The following KLHL5 variants were observed in gnomAD, a reference collection of about 807,000 sequenced individuals.
KLHL5 encodes kelch-like protein 5.
Under a neutral mutation model 77.7 loss-of-function variants are expected in KLHL5, and 48 were observed. That is an observed-to-expected ratio of 0.62 (90% CI 0.49 to 0.79). The LOEUF (loss-of-function observed/expected upper bound fraction) is 0.79, where lower values mean the gene tolerates loss of function less well. Ranked by LOEUF, KLHL5 falls within the 30% of genes least tolerant of loss-of-function variation. KLHL5 has a pLI of 0.00. For synonymous variants in KLHL5, 260 were observed against 297.0 expected, an observed-to-expected ratio of 0.88 and a Z score of 1.28; for missense variants, 723 against 859.7, an observed-to-expected ratio of 0.84 and a Z score of 1.99.
intron 10 of KLHL5, chr4:39,115,644 T>G: frequency 7.5e-7 from 1 of 1,341,708 alleles, no homozygotes; most frequent in Non-Finnish European, 9.5e-7. Flanking sequence ...GAGGGGAGAC[T>G]GGAAAATAAA....
intron 7 of KLHL5, 53 bp downstream of exon 7, chr4:39,103,564 A>G (rs563802252): frequency 6.9e-7 from 1 of 1,439,272 alleles, no homozygotes; most frequent in East Asian, 2.3e-5. Flanking sequence ...CCCACGGCAC[A>G]TTTACATTCT....
rs539602769 is a variant in KLHL5, at chr4:39,122,705, C to G, written c.*1639C>G. Among the ~76,000 whole-genome samples, 1 of 151,826 alleles carries G rather than the reference C, an allele frequency of 6.6e-6. No homozygotes were observed. The highest frequency in any genetic ancestry group is 1.5e-5 in the Non-Finnish European group (1 of 67,964). On this transcript the variant is annotated 3_prime_UTR_variant, in exon 11 of 11. Coordinates refer to ENST00000504108, the MANE Select transcript of KLHL5 (RefSeq NM_015990.5). ...GCGGGTGCCTGTACGCCCAGCTACT[C>G]GGGAGGCTGAGGCGGGAGAATGGCG...
Position 39,122,468 on chromosome 4 carries a change from C to T in KLHL5, c.*1402C>T, listed in dbSNP as rs1723261370. On this transcript the variant is annotated 3_prime_UTR_variant, in exon 11 of 11. Transcript: ENST00000504108. ...AGGGATTCATACAAAGACCTTCTCA[C>T]TCAGCAGTCTTCACTCTTACTATTC... Among the ~76,000 whole-genome samples, 1 of 152,072 alleles carries T rather than the reference C, an allele frequency of 6.6e-6. No homozygotes were observed. Among genetic ancestry groups the T allele is most frequent in the Non-Finnish European group, 1.5e-5 (1 of 68,026 alleles).
intron 7 of KLHL5, among the ~76,000 whole-genome samples, chr4:39,105,201 C>A (rs1037227085): frequency 2.7e-5 from 4 of 148,862 alleles, no homozygotes; most frequent in African/African-American, 9.9e-5. Flanking sequence ...GGCTGGAATG[C>A]AGTGGTATGT....
chr4:39,118,926 G>A (rs904264320), intron 10 of KLHL5, among the ~76,000 whole-genome samples: 1 of 152,152 alleles, frequency 6.6e-6, no homozygotes, highest in Non-Finnish European at 1.5e-5. Flanking sequence ...TCTTAAGTGA[G>A]ATCACTTGAT....
rs766501829 is a variant in KLHL5, at chr4:39,081,268, C to T, written c.703+29C>T. The T allele has an allele frequency of 6.4e-7, 1 of 1,554,138 alleles. No homozygotes were observed. Among genetic ancestry groups the T allele is most frequent in the Non-Finnish European group, 8.7e-7 (1 of 1,149,440 alleles). ...ACGAGTCTGAAAATGTAAATTAAAA[C>T]CTCTTAGATTTATGTTGTATTATTA... On this transcript the variant is annotated intron_variant, in intron 3 of 10. Coordinates refer to ENST00000504108, the MANE Select transcript of KLHL5 (RefSeq NM_015990.5). This position sits in a 1 kb window ranked among gnomAD's most constrained non-coding sequence, Gnocchi z 4.3.
chr4:39,121,329 A>G lies in KLHL5; in HGVS notation c.*263A>G, dbSNP rs1723196315. The G allele has an allele frequency of 4.1e-6, 2 of 490,568 alleles. No homozygotes were observed. The highest frequency in any genetic ancestry group is 4.7e-5 in the South Asian group (2 of 42,986). 30.4% of individuals were successfully genotyped at this position (490,568 alleles called of 1,614,324 possible). On this transcript the variant is annotated 3_prime_UTR_variant, in exon 11 of 11. Transcript: ENST00000504108. ...CGAAGTAATAAGTGAGGACGAATGCACTGCTCTGGAACATAACCCAGTGCT... is the reference window on the plus strand; with the variant it reads ...CGAAGTAATAAGTGAGGACGAATGCGCTGCTCTGGAACATAACCCAGTGCT...
rs71643268 is a variant in KLHL5, at chr4:39,124,802, C to CAAAAAAAAAAAAAAA, written c.*3746_*3760dup. ...GCACCAAAAGCACAAGCAACAACAGCAAAAAAAAAAAAAAAAAAAAAAAAT... is the reference window on the plus strand; with the variant it reads ...GCACCAAAAGCACAAGCAACAACAGCAAAAAAAAAAAAAAAAAAAAAAAAAAAAAAAAAAAAAAAT... On this transcript the variant is annotated 3_prime_UTR_variant, in exon 11 of 11. Coordinates refer to ENST00000504108, the MANE Select transcript of KLHL5 (RefSeq NM_015990.5). Among the ~76,000 whole-genome samples, 135 of 44,020 alleles carry CAAAAAAAAAAAAAAA rather than the reference C, an allele frequency of 3.1e-3. 1 individual carries two copies. The highest frequency in any genetic ancestry group is 4.3e-3 in the African/African-American group (58 of 13,520). 28.9% of individuals were successfully genotyped at this position (44,020 alleles called of 152,430 possible).
At position 39,124,225 on chromosome 4, in the gene KLHL5, G is replaced by A. The variant is rs1193121570; in HGVS notation, c.*3159G>A. ...TGGAAGACTTAACATTGTTAAGATG[G>A]CATTACTCCCAAAATTAGTCTATAG... On this transcript the variant is annotated 3_prime_UTR_variant, in exon 11 of 11. Coordinates refer to ENST00000504108, the MANE Select transcript of KLHL5 (RefSeq NM_015990.5). Among the ~76,000 whole-genome samples the A allele has an allele frequency of 6.6e-6, 1 of 152,102 alleles. No individual in the cohort carries two copies. Among genetic ancestry groups the A allele is most frequent in the African/African-American group, 2.4e-5 (1 of 41,428 alleles).
chr4:39,098,209 A>G (rs1338669669), intron 6 of KLHL5, among the ~76,000 whole-genome samples: 1 of 151,872 alleles, frequency 6.6e-6, no homozygotes, highest in Non-Finnish European at 1.5e-5. Flanking sequence ...CATTTTGAGG[A>G]AGATACACTG....
At position 39,115,180 on chromosome 4, in the gene KLHL5, G is replaced by A; in HGVS notation, c.1923G>A (p.Met641Ile). The A allele has an allele frequency of 6.2e-7, 1 of 1,610,802 alleles. No individual in the cohort carries two copies. Among genetic ancestry groups the A allele is most frequent in the Non-Finnish European group, 8.5e-7 (1 of 1,179,266 alleles). ...ACAGATATGATCCCAAAACAGACAT[G>A]TGGACTGCAGTAGCATCCATGAGCA... Reference protein sequence around the residue: ...CVERYDPKTDMWTAVASMSIS... With the variant: ...CVERYDPKTDIWTAVASMSIS... The change falls in exon 10 of 11, where the codon ATG (methionine) becomes ATA (isoleucine). Residue 641 changes from methionine (M) to isoleucine (I), a missense_variant. Met to Ile is a conservative substitution (Grantham distance 10). Around this residue, in one of 3 missense-constraint regions of KLHL5, gnomAD observed 214 missense variants for 237.4 expected, o/e 0.90. Transcript: ENST00000504108.
chr4:39,070,766 AATAT>A (rs1718398862), intron 1 of KLHL5, among the ~76,000 whole-genome samples: 3 of 152,200 alleles, frequency 2.0e-5, no homozygotes, highest in African/African-American at 7.2e-5. Context: ...TCCAAATCAA[AATAT>A]ATTTCTCTTG....
intron 5 of KLHL5, among the ~76,000 whole-genome samples, chr4:39,091,842 G>GTTTTTTTTTTTTT (rs372831946): frequency 3.8e-5 from 2 of 52,428 alleles, no homozygotes; most frequent in African/African-American, 6.4e-5. Context: ...CATCTGACTA[G>GTTTTTTTTTTTTT]TTTTTTTTTT....
intron 5 of KLHL5, among the ~76,000 whole-genome samples, chr4:39,096,290 T>G (rs1185751548): frequency 6.6e-6 from 1 of 152,136 alleles, no homozygotes; most frequent in East Asian, 1.9e-4. Flanking sequence ...TTAGCAAAGT[T>G]AAGTGAACGC....
At chr4:39,080,088 A>G (rs904511015) in intron 2 of KLHL5, among the ~76,000 whole-genome samples, 1 of 152,194 alleles carries the variant, frequency 6.6e-6, no homozygotes, top group Admixed American at 6.5e-5. Context: ...CTGGGGAGGT[A>G]AGAAAATGGA....
chr4:39,066,802 G>A (rs1327404430), intron 1 of KLHL5, among the ~76,000 whole-genome samples: 2 of 152,126 alleles, frequency 1.3e-5, no homozygotes, highest in Non-Finnish European at 2.9e-5. Flanking sequence ...TCTTGAGTTA[G>A]GTTGCTGCTA....
chr4:39,099,393 C>A (rs1721351708), intron 6 of KLHL5, among the ~76,000 whole-genome samples: 1 of 152,174 alleles, frequency 6.6e-6, no homozygotes, highest in African/African-American at 2.4e-5. Flanking sequence ...CCTCAATATG[C>A]ATTGATCTCC....
At chr4:39,087,121 G>A (rs1320867426) in intron 5 of KLHL5, among the ~76,000 whole-genome samples, 1 of 151,990 alleles carries the variant, frequency 6.6e-6, no homozygotes, top group East Asian at 1.9e-4. Context: ...ATATTGGCCA[G>A]GCTGGTCTCA....
the KLHL5 span, among the ~76,000 whole-genome samples, chr4:39,137,957 G>GA: frequency 2.6e-5 from 4 of 152,064 alleles, no homozygotes; most frequent in African/African-American, 7.2e-5. Flanking sequence ...AAGAATCCAT[G>GA]AAAAAAAGCT....
Sources: allele counts gnomAD v4.1 joint callset (sites outside exome capture counted in the v4.1 genomes callset), GRCh38; gene constraint gnomAD v4.1.1; regional missense constraint gnomAD v4.1.1; non-coding constraint Gnocchi (gnomAD v3.1); transcripts MANE v1.5; gene names NCBI Gene and HGNC (gene_info 2026-07-23, HGNC 2026-07-21).